The following USP32 variants were observed in gnomAD, a reference collection of about 807,000 sequenced individuals.
USP32 encodes ubiquitin specific peptidase 32, also known as ubiquitin carboxyl-terminal hydrolase 32.
USP32 carries 59 observed loss-of-function variants against 204.8 expected under a neutral mutation model. The observed-to-expected ratio is 0.29, with a 90% CI of 0.23 to 0.36. The LOEUF (loss-of-function observed/expected upper bound fraction) is 0.36. Among genes scored for constraint, USP32 ranks in the 10% least tolerant of loss-of-function variants. The pLI, the probability that USP32 is intolerant of heterozygous loss-of-function variation, is 1.00. For synonymous variants in USP32, 517 were observed against 678.4 expected, an observed-to-expected ratio of 0.76 and a Z score of 3.70; for missense variants, 1,160 against 1,946.4, an observed-to-expected ratio of 0.60 and a Z score of 7.60.
At chr17:60,258,616 T>C (rs1255404362) in intron 9 of USP32, among the ~76,000 whole-genome samples, 1 of 152,250 alleles carries the variant, frequency 6.6e-6, no homozygotes, top group Non-Finnish European at 1.5e-5. Flanking sequence ...CAGCTCTAAG[T>C]ACCTTTCCTA....
intron 1 of USP32, among the ~76,000 whole-genome samples, chr17:60,356,194 A>C (rs1052698738): frequency 1.3e-5 from 2 of 152,314 alleles, no homozygotes; most frequent in Middle Eastern, 6.8e-3. Flanking sequence ...AAAAACAATC[A>C]GTGGCAACTA....
At chr17:60,220,867 C>T (rs1329360209) in intron 15 of USP32, among the ~76,000 whole-genome samples, 2 of 151,842 alleles carry the variant, frequency 1.3e-5, no homozygotes, top group Non-Finnish European at 2.9e-5. Context: ...CCAAGATGGT[C>T]TCGATCTCCT....
chr17:60,294,907 G>T, intron 3 of USP32, 106 bp from the exon 4 acceptor site: 1 of 630,430 alleles, frequency 1.6e-6, no homozygotes, highest in Non-Finnish European at 2.8e-6. Context: ...GATTACTAGG[G>T]CCAAGCACCT....
intron 1 of USP32, among the ~76,000 whole-genome samples, chr17:60,356,298 C>G (rs1443277379): frequency 1.3e-5 from 2 of 152,140 alleles, no homozygotes; most frequent in African/African-American, 2.4e-5. Context: ...AAACAGCAAG[C>G]CCACAAGGGC....
At chr17:60,313,051 A>T (rs1177431033) in intron 2 of USP32, among the ~76,000 whole-genome samples, 1 of 152,014 alleles carries the variant, frequency 6.6e-6, no homozygotes, top group Non-Finnish European at 1.5e-5. Context: ...AGGAGTTTGA[A>T]ACCAGCCTGG....
At chr17:60,309,031 A>G (rs1373170764) in intron 2 of USP32, among the ~76,000 whole-genome samples, 1 of 152,144 alleles carries the variant, frequency 6.6e-6, no homozygotes, top group African/African-American at 2.4e-5. Context: ...CTATGAAACT[A>G]CTAGAAAAAA....
chr17:60,376,129 T>C (rs2089536034), intron 1 of USP32, among the ~76,000 whole-genome samples: 1 of 152,090 alleles, frequency 6.6e-6, no homozygotes. Context: ...CACTACAGCC[T>C]CAAATTTCTG....
intron 2 of USP32, among the ~76,000 whole-genome samples, chr17:60,317,453 C>T (rs1203298823): frequency 6.7e-6 from 1 of 150,098 alleles, no homozygotes; most frequent in Non-Finnish European, 1.5e-5. Flanking sequence ...GAGGTCAAGG[C>T]TACAGTGAAC....
chr17:60,388,399 T>C (rs566588676), intron 1 of USP32, among the ~76,000 whole-genome samples: 4 of 151,384 alleles, frequency 2.6e-5, no homozygotes, highest in Admixed American at 1.3e-4. Flanking sequence ...ATTAAAAAAC[T>C]GGTGAAGATT....
chr17:60,326,396 C>T (rs557998504), intron 2 of USP32, among the ~76,000 whole-genome samples: 3 of 152,054 alleles, frequency 2.0e-5, no homozygotes, highest in South Asian at 2.1e-4. Context: ...CTGCAACCTC[C>T]GCCTCCTAGG....
At chr17:60,295,240 G>GA (rs111710231) in intron 3 of USP32, among the ~76,000 whole-genome samples, 3,101 of 131,498 alleles carry the variant, frequency 0.024, 38 homozygotes, top group Non-Finnish European at 0.035. Flanking sequence ...GCAAAACTTC[G>GA]AAAAAAAAAA....
At chr17:60,352,658 T>A (rs1233856785) in intron 1 of USP32, among the ~76,000 whole-genome samples, 1 of 152,100 alleles carries the variant, frequency 6.6e-6, no homozygotes, top group Non-Finnish European at 1.5e-5. Flanking sequence ...GTCGATGCAA[T>A]AAACAAGACT....
intron 1 of USP32, among the ~76,000 whole-genome samples, chr17:60,414,677 C>T (rs2090046779): frequency 6.6e-6 from 1 of 152,040 alleles, no homozygotes; most frequent in Admixed American, 6.5e-5. Flanking sequence ...GATCCACCCG[C>T]CTTGGCCTCC....
chr17:60,217,770 C>T (rs1231946490), intron 16 of USP32, among the ~76,000 whole-genome samples: 1 of 151,922 alleles, frequency 6.6e-6, no homozygotes, highest in African/African-American at 2.4e-5. Flanking sequence ...CAAGCTCTTG[C>T]TCTGTTACCC....
chr17:60,372,071 T>C (rs1355409302), intron 1 of USP32, among the ~76,000 whole-genome samples: 1 of 152,040 alleles, frequency 6.6e-6, no homozygotes, highest in Non-Finnish European at 1.5e-5. Flanking sequence ...GAAGGGGAAG[T>C]GGCTAAGGTG....
intron 2 of USP32, among the ~76,000 whole-genome samples, chr17:60,302,113 G>GTTTATTTATTTATTTA (rs141481291): frequency 7.1e-6 from 1 of 141,526 alleles, no homozygotes; most frequent in South Asian, 2.2e-4. Context: ...TATTTTGTTT[G>GTTTATTTATTTATTTA]TTTATTTATT....
chr17:60,292,787 A>G (rs2087315927), intron 4 of USP32, among the ~76,000 whole-genome samples: 1 of 152,040 alleles, frequency 6.6e-6, no homozygotes, highest in South Asian at 2.1e-4. Flanking sequence ...GTAAAAAAAA[A>G]AAAAAAGCCT....
intron 1 of USP32, among the ~76,000 whole-genome samples, chr17:60,401,866 TAAGGGAG>T (rs2089938206): frequency 1.3e-5 from 2 of 152,140 alleles, no homozygotes; most frequent in Non-Finnish European, 2.9e-5. Flanking sequence ...TGCAAAAATC[TAAGGGAG>T]CAGCCAGTAG....
At chr17:60,355,847 G>A (rs1008039116) in intron 1 of USP32, among the ~76,000 whole-genome samples, 65 of 18,270 alleles carry the variant, frequency 3.6e-3, no homozygotes, top group Admixed American at 4.9e-3. Context: ...AAAAAAAAAA[G>A]AGAGAGAAAG....
Sources: gnomAD v4.1 joint callset for allele counts (sites outside exome capture counted in the v4.1 genomes callset) on GRCh38, gnomAD v4.1.1 for gene constraint, MANE v1.5 for transcripts, NCBI Gene and HGNC (gene_info 2026-07-23, HGNC 2026-07-21) for gene names.